Variants in LRP1 observed in about 807,000 individuals in gnomAD.
LRP1 encodes the protein prolow-density lipoprotein receptor-related protein 1.
In LRP1, 51 loss-of-function variants were observed where a neutral mutation model predicts 541.5. That is an observed-to-expected ratio of 0.09 (90% CI 0.08 to 0.12). The LOEUF is 0.12. LRP1 is among the 10% of genes least tolerant of loss of function. The pLI, the probability that LRP1 is intolerant of heterozygous loss-of-function variation, is 1.00. For synonymous variants in LRP1, 2,219 were observed against 2,470.8 expected (o/e 0.90, Z 3.02); for missense variants, 3,878 against 6,376.2 (o/e 0.61, Z 13.34).
chr12:57,188,242 G>A (rs528908208), intron 42 of LRP1, among the ~76,000 whole-genome samples: 1 of 152,300 alleles, frequency 6.6e-6, no homozygotes, highest in South Asian at 2.1e-4. Context: ...CCGGCTGTTT[G>A]GGCCTCTAGT....
Position 57,173,414 on chromosome 12 carries a change from G to C in LRP1, c.3346+64G>C, listed in dbSNP as rs1467385366. 8 of 1,541,378 alleles carry C rather than the reference G, an allele frequency of 5.2e-6. No homozygotes were observed. The East Asian group carries it at 9.1e-5, about 18-fold the overall frequency. ...TGTGGGCAGGAGGAGACCGTGTTGAGAGCAGAGTAGCGGCAAAGGGGATGG... is the reference window on the plus strand; with the variant it reads ...TGTGGGCAGGAGGAGACCGTGTTGACAGCAGAGTAGCGGCAAAGGGGATGG... On this transcript the variant is annotated intron_variant, in intron 21 of 88. Coordinates refer to ENST00000243077, the MANE Select transcript of LRP1 (RefSeq NM_002332.3). The surrounding 1 kb of genome is among the most constrained non-coding windows in gnomAD (Gnocchi z 4.7).
Position 57,210,725 on chromosome 12 carries a change from C to T in LRP1, c.12762C>T (p.Pro4254=), listed in dbSNP as rs2036893884. The change falls in exon 83 of 89, where the codon CCC becomes CCT. Residue 4254 remains proline, a synonymous_variant. Coordinates refer to ENST00000243077, the MANE Select transcript of LRP1 (RefSeq NM_002332.3). ...CACATCCTCTCCCACCAGGCATGCC[C>T]ACGTGCCGGTGCCCCACGGGCTTCA... The part of the protein sequence containing the change: ...GTCAASPSGM[P]TCRCPTGFTG... 1 of 1,608,904 alleles carries T rather than the reference C, an allele frequency of 6.2e-7. No individual in the cohort carries two copies. Among genetic ancestry groups the T allele is most frequent in the Non-Finnish European group, 8.5e-7 (1 of 1,176,200 alleles).
In LRP1 at chr12:57,165,678, T is replaced by G. The variant is rs2035823873; in HGVS notation, c.2531-127T>G. The G allele has an allele frequency of 1.1e-6, 1 of 896,202 alleles. No homozygotes were observed. The highest frequency in any genetic ancestry group is 1.7e-6 in the Non-Finnish European group (1 of 595,210). 55.5% of individuals were successfully genotyped at this position (896,202 alleles called of 1,614,324 possible). On this transcript the variant is annotated intron_variant, in intron 15 of 88. Transcript: ENST00000243077. This position sits in a 1 kb window ranked among gnomAD's most constrained non-coding sequence, Gnocchi z 4.5. Reference sequence around the variant, plus strand: ...AGATAATTTGTTTCATGAGGAATTTTGTACTAGAAAAAATTACTTTGTATT... The same window carrying G: ...AGATAATTTGTTTCATGAGGAATTTGGTACTAGAAAAAATTACTTTGTATT...
At position 57,185,547 on chromosome 12, in the gene LRP1, G is replaced by T; in HGVS notation, c.6480G>T (p.Ala2160=). 1.3e-6 allele frequency: 2 copies of T among 1,595,514 alleles called. No homozygotes were observed. Among genetic ancestry groups the T allele is most frequent in the Non-Finnish European group, 1.7e-6 (2 of 1,168,870 alleles). Residue 2160 remains alanine (A), a synonymous_variant, in exon 41 of 89, where the codon GCG becomes GCT. Coordinates refer to ENST00000243077, the MANE Select transcript of LRP1 (RefSeq NM_002332.3). This position sits in a 1 kb window ranked among gnomAD's most constrained non-coding sequence, Gnocchi z 4.9. The part of the protein sequence containing the change: ...RDRQKGTNVC[A]VANGGCQQLC... Reference sequence around the variant, plus strand: ...CTCCCCCAGGCACCAACGTGTGCGCGGTGGCCAATGGCGGGTGCCAGCAGC... The same window carrying T: ...CTCCCCCAGGCACCAACGTGTGCGCTGTGGCCAATGGCGGGTGCCAGCAGC...
chr12:57,192,435 C>T (rs975987417), intron 44 of LRP1, among the ~76,000 whole-genome samples: 5 of 152,136 alleles, frequency 3.3e-5, no homozygotes, highest in Non-Finnish European at 5.9e-5. Context: ...CACAGACAGC[C>T]GAGAGCCTGG....
rs766503597 is a variant in LRP1, at chr12:57,205,083, G to C, written c.11195-26G>C. Reference sequence around the variant, plus strand: ...AGGAGGAGGCAGGGGAGAATACCCAGGGCCTAAAGCCTCTGCCCTCCTCAG... The same window carrying C: ...AGGAGGAGGCAGGGGAGAATACCCACGGCCTAAAGCCTCTGCCCTCCTCAG... On this transcript the variant is annotated intron_variant, in intron 72 of 88. Coordinates refer to ENST00000243077, the MANE Select transcript of LRP1 (RefSeq NM_002332.3). The surrounding 1 kb of genome is among the most constrained non-coding windows in gnomAD (Gnocchi z 4.6). 2.8e-5 allele frequency: 45 copies of C among 1,598,784 alleles called. No individual in the cohort carries two copies. Among genetic ancestry groups the C allele is most frequent in the Non-Finnish European group, 3.6e-5 (42 of 1,170,596 alleles).
In LRP1 at chr12:57,162,231, T is replaced by C. The variant is rs2035750061; in HGVS notation, c.2203-86T>C. On this transcript the variant is annotated intron_variant, in intron 13 of 88. Coordinates refer to ENST00000243077, the MANE Select transcript of LRP1 (RefSeq NM_002332.3). This position sits in a 1 kb window ranked among gnomAD's most constrained non-coding sequence, Gnocchi z 5.2. ...CAAAGCAAAACCCATGCCCAGGACA[T>C]AGACAAATGAATGTACAAAACAGTG... The C allele has an allele frequency of 8.5e-7, 1 of 1,169,802 alleles. No individual in the cohort carries two copies. Among genetic ancestry groups the C allele is most frequent in the Non-Finnish European group, 1.3e-6 (1 of 782,036 alleles). The allele number at this position is 1,169,802 out of a possible 1,614,324, so 72.5% of individuals were successfully genotyped here.
Position 57,208,133 on chromosome 12 carries a change from G to A in LRP1, c.11955G>A (p.Ala3985=), listed in dbSNP as rs756494661. ...TDSGRDVIEV[A]QMKGENRKTL... ...CGGGCCGAGATGTGATTGAGGTGGCGCAGATGAAGGGCGAGAACCGCAAGA... is the reference window on the plus strand; with the variant it reads ...CGGGCCGAGATGTGATTGAGGTGGCACAGATGAAGGGCGAGAACCGCAAGA... Residue 3985 remains alanine (A), a synonymous_variant, in exon 77 of 89, where the codon GCG becomes GCA. Transcript: ENST00000243077. The A allele has an allele frequency of 6.6e-5, 107 of 1,614,110 alleles. No homozygotes were observed. The highest frequency in any genetic ancestry group is 8.6e-5 in the Non-Finnish European group (101 of 1,180,050).
In LRP1 at chr12:57,156,277, C is replaced by A; in HGVS notation, c.1411C>A (p.Pro471Thr). The change falls in exon 9 of 89, where the codon CCC becomes ACC. Residue 471 changes from proline (P) to threonine (T), a missense_variant. Physicochemically the swap from Pro to Thr is conservative, Grantham distance 38. This residue lies in a region of LRP1 where 496 missense variants were observed against 861.0 expected (regional missense o/e 0.58). Transcript: ENST00000243077. This position sits in a 1 kb window ranked among gnomAD's most constrained non-coding sequence, Gnocchi z 5.2. ...ALHIYHQRRQ[P>T]RVRSHACEND... ...CCACATCTACCACCAGAGGCGTCAG[C>A]CCCGAGGTGAGCAGGGCTCCATGGC... is the stretch of plus-strand genomic sequence containing the variant. 6.2e-7 allele frequency: 1 copy of A among 1,614,022 alleles called. No individual in the cohort carries two copies. The highest frequency in any genetic ancestry group is 8.5e-7 in the Non-Finnish European group (1 of 1,179,946).
At chr12:57,172,172 TTTTC>T (rs1336514168) in intron 20 of LRP1, among the ~76,000 whole-genome samples, 28 of 150,732 alleles carry the variant, frequency 1.9e-4, no homozygotes, top group Admixed American at 3.3e-4. Context: ...TGGCGTTTTC[TTTTC>T]TTTCTTTTTT....
rs777316122 is a variant in LRP1 at position 57,173,130 on chromosome 12, A to AC, written c.3164-34dup. ...GGGATGAGGAGGGCTGACCTGGGCA[A>AC]CCCCTCCCTCCTGAGGCCCTCCACT... On this transcript the variant is annotated intron_variant, in intron 20 of 88. Coordinates refer to ENST00000243077, the MANE Select transcript of LRP1 (RefSeq NM_002332.3). The surrounding 1 kb of genome is among the most constrained non-coding windows in gnomAD (Gnocchi z 4.7). 1 of 1,548,658 alleles carries AC rather than the reference A, an allele frequency of 6.5e-7. No individual in the cohort carries two copies. The highest frequency in any genetic ancestry group is 1.8e-5 in the Admixed American group (1 of 56,692).
In LRP1 at chr12:57,195,737, C is replaced by T. The variant is rs776855211; in HGVS notation, c.8517C>T (p.His2839=). ...QCIPKHFVCD[H]DRDCADGSDE... ...TCCCCAAGCACTTCGTGTGTGACCA[C>T]GACCGTGACTGTGCAGATGGCTCTG... The change falls in exon 53 of 89, where the codon CAC becomes CAT. Residue 2839 remains histidine (H), a synonymous_variant. Transcript: ENST00000243077. 57 of 1,614,076 alleles carry T rather than the reference C, an allele frequency of 3.5e-5. 1 individual carries two copies. The South Asian group carries it at 4.1e-4, about 12-fold the overall frequency.
intron 1 of LRP1, among the ~76,000 whole-genome samples, chr12:57,136,396 C>CG (rs925064080): frequency 1.6e-4 from 3 of 18,920 alleles, no homozygotes; most frequent in Non-Finnish European, 4.0e-4. Flanking sequence ...CTCCTAAGAG[C>CG]CCCCCCCCCC....
chr12:57,185,936 G>A lies in LRP1; in HGVS notation c.6841+28G>A, dbSNP rs1044806828. 6.3e-7 allele frequency: 1 copy of A among 1,597,572 alleles called. No individual in the cohort carries two copies. Among genetic ancestry groups the A allele is most frequent in the South Asian group, 1.1e-5 (1 of 88,530 alleles). On this transcript the variant is annotated intron_variant, in intron 41 of 88. Transcript: ENST00000243077. This position sits in a 1 kb window ranked among gnomAD's most constrained non-coding sequence, Gnocchi z 4.9. ...GAGCCCAGACCCTAAGTCTTCCCAG[G>A]AAGTGGGACATGGGGCGGGGAGCAG...
chr12:57,210,141 T>C lies in LRP1; in HGVS notation c.12552T>C (p.Pro4184=). The C allele has an allele frequency of 6.2e-7, 1 of 1,609,430 alleles. No individual in the cohort carries two copies. The highest frequency in any genetic ancestry group is 2.2e-5 in the East Asian group (1 of 44,822). ...GGCTGGACAACGGCACATGCGTGCCTGTGCCCTCTCCAACGCCCCCCCCAG... is the reference window on the plus strand; with the variant it reads ...GGCTGGACAACGGCACATGCGTGCCCGTGCCCTCTCCAACGCCCCCCCCAG... ...GKRLDNGTCV[P]VPSPTPPPDA... The change falls in exon 81 of 89, where the codon CCT becomes CCC. Residue 4184 remains proline (P), a synonymous_variant. Transcript: ENST00000243077.
In LRP1 at chr12:57,212,542, A is replaced by G; in HGVS notation, c.13622A>G (p.Asp4541Gly). The part of the protein sequence containing the change: ...LGRGPEDEIG[D>G]PLA ...CGGGGCCCTGAGGACGAGATAGGGG[A>G]CCCCTTGGCATAGGGCCCTGCCCCG... The change falls in exon 89 of 89, where the codon GAC (aspartate) becomes GGC (glycine). Residue 4541 changes from aspartate (D) to glycine (G), a missense_variant. By Grantham distance (94) the Asp-to-Gly change is moderately conservative. This residue lies in a region of LRP1 where 871 missense variants were observed against 1,212.4 expected (regional missense o/e 0.72). Transcript: ENST00000243077. The surrounding 1 kb of genome is among the most constrained non-coding windows in gnomAD (Gnocchi z 5.0). 6.2e-7 allele frequency: 1 copy of G among 1,609,082 alleles called. No individual in the cohort carries two copies. Among genetic ancestry groups the G allele is most frequent in the South Asian group, 1.1e-5 (1 of 90,306 alleles).
chr12:57,144,430 C>T (rs1008051492), intron 4 of LRP1, among the ~76,000 whole-genome samples: 1 of 152,086 alleles, frequency 6.6e-6, no homozygotes, highest in African/African-American at 2.4e-5. Context: ...TTTTTCACTG[C>T]TACAAGCAAT....
intron 3 of LRP1, 73 bp downstream of exon 3, chr12:57,141,584 C>G: frequency 3.8e-6 from 6 of 1,577,314 alleles, no homozygotes; most frequent in Non-Finnish European, 5.2e-6. Flanking sequence ...GAGGACTGTC[C>G]TGGCACCTTC....
intron 62 of LRP1, 172 bp downstream of exon 62, chr12:57,200,197 C>G: frequency 1.6e-6 from 1 of 644,956 alleles, no homozygotes; most frequent in Non-Finnish European, 2.7e-6. Flanking sequence ...CTTTTACCCC[C>G]GTCACCTCAC....
Sources: allele counts gnomAD v4.1 joint callset (sites outside exome capture counted in the v4.1 genomes callset), GRCh38; gene constraint gnomAD v4.1.1; regional missense constraint gnomAD v4.1.1; non-coding constraint Gnocchi (gnomAD v3.1); transcripts MANE v1.5; gene names NCBI Gene and HGNC (gene_info 2026-07-23, HGNC 2026-07-21).